ECE1: variants seen among roughly 807,000 people sequenced by gnomAD.
ECE1 encodes the protein endothelin converting enzyme 1.
ECE1 carries 35 observed loss-of-function variants against 98.6 expected under a neutral mutation model. The ratio of observed to expected loss-of-function variants is 0.35; its 90% confidence interval spans 0.27 to 0.47. ECE1 has a LOEUF of 0.47. Ranked by LOEUF, ECE1 falls within the 20% of genes least tolerant of loss-of-function variation. The pLI is 1.00. For synonymous variants in ECE1, 394 were observed against 407.1 expected (o/e 0.97, Z 0.39); for missense variants, 814 against 1,025.3 (o/e 0.79, Z 2.81).
At position 21,319,220 on chromosome 1, in the gene ECE1, C is replaced by G. The variant is rs80211728; in HGVS notation, c.3+26156G>C. Among the ~76,000 whole-genome samples, 4 of 152,166 alleles carry G rather than the reference C, an allele frequency of 2.6e-5. No homozygotes were observed. In the East Asian group the frequency reaches 7.7e-4, roughly 29 times the overall value. ...AGTAGCCAGGCGTGGTGGTGTGCGT[C>G]TATAATCCCAGCTACTTGGGAGGCT... On this transcript the variant is annotated intron_variant, in intron 1 of 18. Coordinates refer to the ECE1 transcript ENST00000415912. The surrounding 1 kb of genome is among the most constrained non-coding windows in gnomAD (Gnocchi z 4.4).
intron 1 of ECE1, among the ~76,000 whole-genome samples, chr1:21,330,837 A>C (rs1639186229): frequency 6.6e-6 from 1 of 152,132 alleles, no homozygotes; most frequent in South Asian, 2.1e-4. Flanking sequence ...TGCTGAACAC[A>C]GGCTGTACAG....
At chr1:21,253,689 G>A (rs1232424196) in intron 8 of ECE1, among the ~76,000 whole-genome samples, 1 of 151,054 alleles carries the variant, frequency 6.6e-6, no homozygotes, top group African/African-American at 2.4e-5. Flanking sequence ...CGTGAACCCA[G>A]GAGGTGGAGC....
chr1:21,270,966 G>C (rs144705064), intron 4 of ECE1, among the ~76,000 whole-genome samples: 1 of 152,180 alleles, frequency 6.6e-6, no homozygotes, highest in Non-Finnish European at 1.5e-5. Flanking sequence ...GAGAAGGGTC[G>C]TCCTTGAGTT....
At position 21,257,560 on chromosome 1, in the gene ECE1, T is replaced by G; in HGVS notation, c.793A>C (p.Arg265=). 1 of 1,614,222 alleles carries G rather than the reference T, an allele frequency of 6.2e-7. No individual in the cohort carries two copies. The highest frequency in any genetic ancestry group is 8.5e-7 in the Non-Finnish European group (1 of 1,180,040). ...VDQSGLGLPS[R]DYYLNKTENE... is the part of the protein sequence containing the mutation. ...TCAGTTTTGTTCAGGTAATAGTCTC[T>G]CGAGGGCAAGCCCAGGCCAGACTGG... is the stretch of plus-strand genomic sequence containing the variant. Residue 265 remains arginine, a synonymous_variant, in exon 7 of 19, where the codon AGA becomes CGA. Coordinates refer to ENST00000374893, the MANE Select transcript of ECE1 (RefSeq NM_001397.3).
intron 1 of ECE1, among the ~76,000 whole-genome samples, chr1:21,301,300 C>T (rs1265255275): frequency 6.6e-6 from 1 of 151,274 alleles, no homozygotes; most frequent in African/African-American, 2.4e-5. Context: ...AGAGACCATC[C>T]TGGCTAACAC....
At chr1:21,265,111 T>G (rs1375928050) in intron 4 of ECE1, among the ~76,000 whole-genome samples, 4 of 152,238 alleles carry the variant, frequency 2.6e-5, no homozygotes, top group Non-Finnish European at 5.9e-5. Flanking sequence ...AAGAAAAGAC[T>G]GTCTTATTCC....
chr1:21,239,830 T>C (rs1399919237), intron 10 of ECE1, among the ~76,000 whole-genome samples: 4 of 151,944 alleles, frequency 2.6e-5, no homozygotes, highest in Non-Finnish European at 5.9e-5. Flanking sequence ...GAAGGGGATA[T>C]TCTCTATCTT....
intron 2 of ECE1, among the ~76,000 whole-genome samples, chr1:21,283,879 G>T (rs1490748775): frequency 6.6e-6 from 1 of 152,210 alleles, no homozygotes; most frequent in Non-Finnish European, 1.5e-5. Flanking sequence ...CCTTTGTCTT[G>T]TTCTTTGCTT....
At position 21,256,105 on chromosome 1, in the gene ECE1, G is replaced by C; in HGVS notation, c.862C>G (p.Leu288Val). 1 of 1,608,616 alleles carries C rather than the reference G, an allele frequency of 6.2e-7. No individual in the cohort carries two copies. The highest frequency in any genetic ancestry group is 8.5e-7 in the Non-Finnish European group (1 of 1,175,352). ...TCCCCGCCGCCCAGCAGCTTCCCCA[G>C]CTGGACCATGTAGTTCAGATATCCG... ...LTGYLNYMVQ[L>V]GKLLGGGDEE... The change falls in exon 8 of 19, where the codon CTG becomes GTG. Residue 288 changes from leucine (L) to valine (V), a missense_variant. Coordinates refer to ENST00000374893, the MANE Select transcript of ECE1 (RefSeq NM_001397.3).
chr1:21,224,714 C>CT (rs1328964163), intron 17 of ECE1, among the ~76,000 whole-genome samples: 15 of 152,198 alleles, frequency 9.9e-5, no homozygotes, highest in African/African-American at 3.6e-4. Flanking sequence ...GCGAGCATCT[C>CT]TGAGTGTCTC....
At chr1:21,251,128 G>C (rs2098212289) in intron 8 of ECE1, among the ~76,000 whole-genome samples, 1 of 152,148 alleles carries the variant, frequency 6.6e-6, no homozygotes, top group Non-Finnish European at 1.5e-5. Context: ...GGTTTAAAAG[G>C]GCAACTCAGC....
chr1:21,228,128 G>T, intron 14 of ECE1, 87 bp from the exon 15 acceptor site: 1 of 1,034,022 alleles, frequency 9.7e-7, no homozygotes, highest in South Asian at 1.5e-5. Flanking sequence ...TGGGGATCGG[G>T]AATAAGGGCA....
chr1:21,241,164 GTA>G (rs1027466453), intron 10 of ECE1, among the ~76,000 whole-genome samples: 21 of 152,206 alleles, frequency 1.4e-4, no homozygotes, highest in Admixed American at 5.2e-4. Flanking sequence ...AGCCTCCCGA[GTA>G]GCTGGGATTA....
At chr1:21,294,126 G>A (rs760330450), upstream of ECE1, 71 of 152,576 alleles carry the variant, frequency 4.7e-4, 3 homozygotes, top group Non-Finnish European at 2.2e-4. The surrounding 1 kb of genome is among the most constrained non-coding windows in gnomAD (Gnocchi z 4.2). Flanking sequence ...GCCCCGCGGC[G>A]AGAAAGTGGT....
chr1:21,287,584 C>G (rs1295481152), intron 2 of ECE1, among the ~76,000 whole-genome samples: 1 of 152,142 alleles, frequency 6.6e-6, no homozygotes, highest in South Asian at 2.1e-4. Flanking sequence ...TCGCTAGCAA[C>G]CGGCCCAAAG....
chr1:21,317,001 T>C (rs1307252144), intron 1 of ECE1, among the ~76,000 whole-genome samples: 1 of 151,970 alleles, frequency 6.6e-6, no homozygotes, highest in Admixed American at 6.6e-5. Context: ...ATCAAGACAG[T>C]CACTGAAGAG....
chr1:21,297,078 C>A (rs1021629715), intron 1 of ECE1, among the ~76,000 whole-genome samples: 21 of 152,354 alleles, frequency 1.4e-4, no homozygotes, highest in African/African-American at 4.8e-4. Flanking sequence ...GTGAGCCAAC[C>A]ACTCTGGCGT....
At chr1:21,336,985 C>T (rs144067088) in intron 1 of ECE1, among the ~76,000 whole-genome samples, 8,194 of 152,084 alleles carry the variant, frequency 0.054, 720 homozygotes, top group African/African-American at 0.18. Flanking sequence ...TGCAGTGAGC[C>T]GAGACTGCAC....
At chr1:21,309,249 C>A (rs1038015332) in intron 1 of ECE1, among the ~76,000 whole-genome samples, 2 of 152,192 alleles carry the variant, frequency 1.3e-5, no homozygotes, top group African/African-American at 4.8e-5. Context: ...GGTCACTCCC[C>A]CTCTGTGGTT....
Sources: gnomAD v4.1 joint callset for allele counts (sites outside exome capture counted in the v4.1 genomes callset) on GRCh38, gnomAD v4.1.1 for gene constraint, Gnocchi (gnomAD v3.1) non-coding constraint, MANE v1.5 for transcripts, NCBI Gene and HGNC (gene_info 2026-07-23, HGNC 2026-07-21) for gene names.